Variants in TECRL observed in about 807,000 individuals in gnomAD.
TECRL encodes the protein trans-2,3-enoyl-CoA reductase like, also known as trans-2,3-enoyl-CoA reductase-like.
TECRL carries 63 observed loss-of-function variants against 52.8 expected under a neutral mutation model. The ratio of observed to expected loss-of-function variants is 1.19; its 90% confidence interval spans 0.97 to 1.47. The LOEUF (loss-of-function observed/expected upper bound fraction) is 1.47. Ranked by LOEUF, TECRL falls within the 40% of genes most tolerant of loss-of-function variation. The pLI is 0.00. For synonymous variants in TECRL, 164 were observed against 141.9 expected (o/e 1.16, Z -1.10); for missense variants, 482 against 429.6 (o/e 1.12, Z -1.08).
At chr4:64,289,387 A>C (rs1445978517) in intron 9 of TECRL, among the ~76,000 whole-genome samples, 1 of 152,216 alleles carries the variant, frequency 6.6e-6, no homozygotes, top group Non-Finnish European at 1.5e-5. Context: ...AGAGTTTAGT[A>C]ATTTGGATAT....
intron 2 of TECRL, among the ~76,000 whole-genome samples, chr4:64,373,522 A>G (rs1002025264): frequency 1.3e-5 from 2 of 151,812 alleles, no homozygotes; most frequent in African/African-American, 4.8e-5. Context: ...TAAGATTTCA[A>G]GTAATTGTTA....
chr4:64,362,212 C>A (rs1041727749), intron 2 of TECRL, among the ~76,000 whole-genome samples: 4 of 151,792 alleles, frequency 2.6e-5, no homozygotes, highest in Admixed American at 6.6e-5. Flanking sequence ...GTAAAGAGAC[C>A]AAACCTACAA....
chr4:64,397,622 G>A (rs952775286), intron 1 of TECRL: 5 of 151,752 alleles, frequency 3.3e-5, no homozygotes, highest in African/African-American at 1.2e-4. Context: ...TGAATCTGCT[G>A]GTGCCTTAAT....
chr4:64,320,266 T>C (rs1019629834), intron 4 of TECRL, among the ~76,000 whole-genome samples: 1 of 151,976 alleles, frequency 6.6e-6, no homozygotes, highest in Non-Finnish European at 1.5e-5. Flanking sequence ...TATTAAAATC[T>C]TAATTTTAAC....
chr4:64,346,468 T>A (rs1719995253), intron 2 of TECRL, among the ~76,000 whole-genome samples: 1 of 152,252 alleles, frequency 6.6e-6, no homozygotes, highest in South Asian at 2.1e-4. Flanking sequence ...TTCCCAAACC[T>A]CAGTTCTTGA....
intron 1 of TECRL, among the ~76,000 whole-genome samples, chr4:64,403,607 C>T (rs907287842): frequency 3.9e-5 from 6 of 151,916 alleles, no homozygotes; most frequent in African/African-American, 1.5e-4. Flanking sequence ...GAAAGCCTTC[C>T]TGTTCCATAA....
At chr4:64,291,400 G>C (rs991441914) in intron 8 of TECRL, among the ~76,000 whole-genome samples, 1 of 151,796 alleles carries the variant, frequency 6.6e-6, no homozygotes, top group Admixed American at 6.6e-5. Flanking sequence ...TTTAGTCTTC[G>C]TATCTTTTGT....
At chr4:64,345,167 G>T (rs1001406154) in intron 2 of TECRL, among the ~76,000 whole-genome samples, 11 of 152,156 alleles carry the variant, frequency 7.2e-5, no homozygotes, top group African/African-American at 2.4e-4. Context: ...CAGGGATCTA[G>T]AAATACCATT....
intron 2 of TECRL, among the ~76,000 whole-genome samples, chr4:64,373,771 T>G (rs1722144820): frequency 6.6e-6 from 1 of 151,422 alleles, no homozygotes; most frequent in African/African-American, 2.4e-5. Flanking sequence ...CTGGAGACAC[T>G]TTATTAGATA....
intron 1 of TECRL, among the ~76,000 whole-genome samples, chr4:64,394,028 T>C (rs1215945882): frequency 6.6e-6 from 1 of 152,136 alleles, no homozygotes; most frequent in Non-Finnish European, 1.5e-5. Flanking sequence ...ATTTAGTTTT[T>C]CCTTCTTCAA....
At chr4:64,349,381 G>A (rs891776902) in intron 2 of TECRL, among the ~76,000 whole-genome samples, 32 of 151,954 alleles carry the variant, frequency 2.1e-4, no homozygotes, top group Admixed American at 1.5e-3. Context: ...TCTACCCACC[G>A]CGGCCTCCCA....
intron 8 of TECRL, among the ~76,000 whole-genome samples, chr4:64,292,554 T>A (rs1339406140): frequency 6.6e-6 from 1 of 152,008 alleles, no homozygotes; most frequent in Admixed American, 6.6e-5. Context: ...TACATTATTA[T>A]AGTATAACAA....
intron 1 of TECRL, among the ~76,000 whole-genome samples, chr4:64,384,070 T>G (rs773056110): frequency 1.3e-5 from 2 of 152,148 alleles, no homozygotes; most frequent in Non-Finnish European, 2.9e-5. Flanking sequence ...GAGGCTTTAC[T>G]GGAAATTAGA....
intron 2 of TECRL, among the ~76,000 whole-genome samples, chr4:64,336,705 G>T (rs1719115273): frequency 6.6e-6 from 1 of 152,080 alleles, no homozygotes; most frequent in African/African-American, 2.4e-5. Context: ...CTGGTATGTT[G>T]TGTCTTTGTT....
chr4:64,338,205 G>T (rs1235509988), intron 2 of TECRL, among the ~76,000 whole-genome samples: 1 of 152,128 alleles, frequency 6.6e-6, no homozygotes, highest in South Asian at 2.1e-4. Context: ...TTAACAAATG[G>T]TGCTGGGAAA....
chr4:64,340,940 C>A (rs1376385217), intron 2 of TECRL, among the ~76,000 whole-genome samples: 25 of 152,146 alleles, frequency 1.6e-4, no homozygotes, highest in Admixed American at 1.6e-3. Flanking sequence ...AGAGGAACAA[C>A]CCACTCCAGG....
intron 2 of TECRL, among the ~76,000 whole-genome samples, chr4:64,334,634 A>C (rs1718913563): frequency 6.6e-6 from 1 of 152,218 alleles, no homozygotes; most frequent in South Asian, 2.1e-4. Flanking sequence ...CTAACACAAT[A>C]TAATCAGCAA....
At chr4:64,296,209 C>A (rs1456182262) in intron 8 of TECRL, among the ~76,000 whole-genome samples, 1 of 151,790 alleles carries the variant, frequency 6.6e-6, no homozygotes, top group Non-Finnish European at 1.5e-5. Context: ...TAAGCAGTTT[C>A]TTGGCCTTTC....
intron 2 of TECRL, among the ~76,000 whole-genome samples, chr4:64,335,054 C>T (rs1307985788): frequency 6.6e-6 from 1 of 152,168 alleles, no homozygotes; most frequent in African/African-American, 2.4e-5. Context: ...GATTGTCCAC[C>T]TCTTCATACC....
Sources: gnomAD v4.1 joint callset for allele counts (sites outside exome capture counted in the v4.1 genomes callset) on GRCh38, gnomAD v4.1.1 for gene constraint, MANE v1.5 for transcripts, NCBI Gene and HGNC (gene_info 2026-07-23, HGNC 2026-07-21) for gene names.